Variants in PBX1 observed in about 807,000 individuals in gnomAD.
PBX1 encodes the protein PBX homeobox 1.
Under a neutral mutation model 53.4 loss-of-function variants are expected in PBX1, and 6 were observed. That is an observed-to-expected ratio of 0.11 (90% confidence interval 0.06 to 0.22). PBX1 has a LOEUF of 0.22. Among genes scored for constraint, PBX1 ranks in the 10% least tolerant of loss-of-function variants. The pLI, the probability that PBX1 is intolerant of heterozygous loss-of-function variation, is 1.00. For missense variants in PBX1, 251 were observed against 551.4 expected (o/e 0.46, Z 5.46); for synonymous variants, 204 against 212.3 (o/e 0.96, Z 0.34).
At chr1:164,586,035 T>C (rs192118717) in intron 2 of PBX1, among the ~76,000 whole-genome samples, 6 of 152,294 alleles carry the variant, frequency 3.9e-5, no homozygotes, top group Non-Finnish European at 8.8e-5. Context: ...GAAGAACAAC[T>C]GGGGAACCTG....
intron 2 of PBX1, among the ~76,000 whole-genome samples, chr1:164,755,332 A>G (rs1429185763): frequency 6.6e-6 from 1 of 152,144 alleles, no homozygotes; most frequent in Non-Finnish European, 1.5e-5. Flanking sequence ...TATTTTTAGT[A>G]GAGATGAGGT....
chr1:164,675,493 C>T (rs1367230475), intron 2 of PBX1, among the ~76,000 whole-genome samples: 2 of 152,190 alleles, frequency 1.3e-5, no homozygotes, highest in African/African-American at 4.8e-5. Context: ...CTGCTACCAC[C>T]TCCCTGCCTA....
At chr1:164,603,970 A>G (rs1656381854) in intron 2 of PBX1, among the ~76,000 whole-genome samples, 2 of 75,244 alleles carry the variant, frequency 2.7e-5, no homozygotes, top group Non-Finnish European at 4.8e-5. Flanking sequence ...TTTAGAGATG[A>G]GTCTCTGTCA....
intron 2 of PBX1, among the ~76,000 whole-genome samples, chr1:164,607,469 C>A (rs995658219): frequency 5.3e-5 from 8 of 152,016 alleles, no homozygotes; most frequent in Non-Finnish European, 1.2e-4. Context: ...ATCAAGATTA[C>A]CAGAGGCTGA....
chr1:164,820,364 G>A lies in PBX1; in HGVS notation c.1110+180G>A, dbSNP rs562567208. Reference sequence around the variant, plus strand: ...TCATGGGGAATCTCGTCCACACTTTGTGAATGCATTTGGCTCTGGCTTTTC... The same window carrying A: ...TCATGGGGAATCTCGTCCACACTTTATGAATGCATTTGGCTCTGGCTTTTC... On this transcript the variant is annotated intron_variant, in intron 7 of 8. Transcript: ENST00000420696. 2.3e-3 allele frequency among the ~76,000 whole-genome samples: 350 copies of A among 152,274 alleles called. 1 individual carries two copies. The highest frequency in any genetic ancestry group is 4.0e-3 in the Non-Finnish European group (274 of 68,022).
intron 2 of PBX1, among the ~76,000 whole-genome samples, chr1:164,882,297 T>G (rs1321240266): frequency 6.6e-6 from 1 of 152,198 alleles, no homozygotes; most frequent in Non-Finnish European, 1.5e-5. Context: ...CAGGGAAATG[T>G]GCCTGAGAGT....
At chr1:164,656,672 C>T (rs892910173) in intron 2 of PBX1, among the ~76,000 whole-genome samples, 5 of 148,028 alleles carry the variant, frequency 3.4e-5, no homozygotes, top group Non-Finnish European at 4.5e-5. Context: ...AGGAAAGTGA[C>T]GGAAAAAAAA....
chr1:164,784,379 T>C (rs903054273), intron 2 of PBX1, among the ~76,000 whole-genome samples: 1 of 152,194 alleles, frequency 6.6e-6, no homozygotes, highest in Non-Finnish European at 1.5e-5. Context: ...GCTTTCTCCC[T>C]GCCAGCTGGC....
chr1:164,614,130 G>A (rs1487585496), intron 2 of PBX1, among the ~76,000 whole-genome samples: 2 of 152,172 alleles, frequency 1.3e-5, no homozygotes, highest in South Asian at 2.1e-4. Context: ...GTACAATTCC[G>A]TTCTTCCTTA....
intron 2 of PBX1, among the ~76,000 whole-genome samples, chr1:164,736,960 C>A (rs1230290689): frequency 6.6e-6 from 1 of 152,160 alleles, no homozygotes; most frequent in Non-Finnish European, 1.5e-5. Context: ...TTTCAGCTCA[C>A]AAGTAGTCCT....
intron 2 of PBX1, among the ~76,000 whole-genome samples, chr1:164,623,080 TAGGATTAC>T (rs1657795272): frequency 6.6e-6 from 1 of 152,198 alleles, no homozygotes; most frequent in African/African-American, 2.4e-5. Context: ...CCCAAAGTGC[TAGGATTAC>T]AGGCATGAGC....
chr1:164,633,468 A>G (rs547929868), intron 2 of PBX1, among the ~76,000 whole-genome samples: 3 of 152,240 alleles, frequency 2.0e-5, no homozygotes, highest in South Asian at 4.2e-4. Flanking sequence ...TCTTTAGACT[A>G]TTAATAGTTG....
intron 2 of PBX1, among the ~76,000 whole-genome samples, chr1:164,598,280 ATTC>A (rs1655905075): frequency 6.6e-6 from 1 of 152,094 alleles, no homozygotes; most frequent in African/African-American, 2.4e-5. Context: ...TAGAGTAAGA[ATTC>A]TTTTTTTCTT....
intron 8 of PBX1, chr1:164,828,906 A>T (rs1440620885): frequency 6.6e-6 from 1 of 152,078 alleles, no homozygotes; most frequent in Non-Finnish European, 1.5e-5. Context: ...TTCTTAGAAA[A>T]TCCCTTTGTT....
At chr1:164,679,876 T>C (rs998865015) in intron 2 of PBX1, among the ~76,000 whole-genome samples, 5 of 152,026 alleles carry the variant, frequency 3.3e-5, no homozygotes, top group African/African-American at 1.2e-4. Flanking sequence ...AACCTGAGGC[T>C]CAGAAAAATG....
At chr1:164,673,409 C>T (rs1414216284) in intron 2 of PBX1, among the ~76,000 whole-genome samples, 1 of 151,352 alleles carries the variant, frequency 6.6e-6, no homozygotes, top group Non-Finnish European at 1.5e-5. Context: ...CACCACGTCT[C>T]TCCGCTTTCA....
chr1:164,811,920 T>C, intron 5 of PBX1, 70 bp from the exon 6 acceptor site: 1 of 1,351,212 alleles, frequency 7.4e-7, no homozygotes, highest in South Asian at 1.5e-5. Flanking sequence ...CCATAAAGCC[T>C]TTTTTTTCTT....
At chr1:164,594,989 C>T (rs1484594881) in intron 2 of PBX1, among the ~76,000 whole-genome samples, 1 of 152,220 alleles carries the variant, frequency 6.6e-6, no homozygotes, top group Non-Finnish European at 1.5e-5. Context: ...CACTCTACTG[C>T]TTTGAACGTG....
intron 2 of PBX1, among the ~76,000 whole-genome samples, chr1:164,612,008 T>C (rs1656969371): frequency 6.6e-6 from 1 of 152,146 alleles, no homozygotes; most frequent in Non-Finnish European, 1.5e-5. Context: ...CAACATGATG[T>C]AATGTTATTT....
Sources: allele counts gnomAD v4.1 joint callset (sites outside exome capture counted in the v4.1 genomes callset), GRCh38; gene constraint gnomAD v4.1.1; transcripts MANE v1.5; gene names NCBI Gene and HGNC (gene_info 2026-07-23, HGNC 2026-07-21).